Variants in FGD1 observed in about 807,000 individuals in gnomAD.
FGD1 encodes the protein FYVE, RhoGEF and PH domain containing 1.
FGD1 carries 12 observed loss-of-function variants against 65.0 expected under a neutral mutation model. The ratio of observed to expected loss-of-function variants is 0.18; its 90% CI spans 0.12 to 0.30. The LOEUF is 0.30. FGD1 is among the 10% of genes least tolerant of loss of function. The pLI is 1.00. For missense variants in FGD1, 542 were observed against 837.6 expected, an observed-to-expected ratio of 0.65 and a Z score of 4.36; for synonymous variants, 333 against 343.9, an observed-to-expected ratio of 0.97 and a Z score of 0.35.
intron 1 of FGD1, among the ~76,000 whole-genome samples, chrX:54,489,346 C>A (rs1923363376): frequency 1.8e-5 from 2 of 112,190 alleles, no homozygotes; most frequent in Admixed American, 9.4e-5. Flanking sequence ...TTTTGGGAGG[C>A]CGAGGCGGTT....
intron 8 of FGD1, 24 bp from the exon 9 acceptor site, chrX:54,456,591 C>T: frequency 1.7e-6 from 2 of 1,169,835 alleles, no homozygotes; most frequent in Middle Eastern, 4.8e-4. Flanking sequence ...GGGGTGAGGT[C>T]AGATGGGGGA....
At position 54,470,714 on chromosome X, in the gene FGD1, TGGG is replaced by T; in HGVS notation, c.525_527del (p.Pro176del). On this transcript the variant is annotated inframe_deletion, in exon 3 of 18. Coordinates refer to ENST00000375135, the MANE Select transcript of FGD1 (RefSeq NM_004463.3). Reference sequence around the variant, plus strand: ...ATGGTGGAGGGGGGATGGGCTCCAGTGGGGGGGGCATCCGGGGCATCTGCAGGT... The same window carrying T: ...ATGGTGGAGGGGGGATGGGCTCCAGTGGGGGCATCCGGGGCATCTGCAGGT... 3 of 187,724 alleles carry T rather than the reference TGGG, an allele frequency of 1.6e-5. No individual in the cohort carries two copies. Among genetic ancestry groups the T allele is most frequent in the Middle Eastern group, 1.1e-3 (1 of 938 alleles). 15.5% of individuals were successfully genotyped at this position (187,724 alleles called of 1,213,427 possible). A position where few individuals can be genotyped will look rare whatever the true frequency, so the allele number is the denominator to read the frequency against.
At chrX:54,461,325 G>A (rs751027490) in intron 8 of FGD1, among the ~76,000 whole-genome samples, 7 of 109,816 alleles carry the variant, frequency 6.4e-5, no homozygotes, top group Non-Finnish European at 1.1e-4. Flanking sequence ...GTCGTTGGCC[G>A]GGCACGGTGG....
At chrX:54,479,360 C>T (rs2147440410) in intron 1 of FGD1, among the ~76,000 whole-genome samples, 1 of 111,962 alleles carries the variant, frequency 8.9e-6, no homozygotes, top group South Asian at 3.7e-4. Context: ...AATCTCAAGA[C>T]AGCTACTAGG....
chrX:54,480,903 C>T (rs1351698908), intron 1 of FGD1, among the ~76,000 whole-genome samples: 11 of 111,686 alleles, frequency 9.8e-5, no homozygotes, highest in South Asian at 3.8e-4. Flanking sequence ...TCACCCGCCT[C>T]GGCCTCCCAA....
intron 8 of FGD1, among the ~76,000 whole-genome samples, chrX:54,461,492 T>C (rs1172183878): frequency 9.6e-6 from 1 of 103,740 alleles, no homozygotes; most frequent in Non-Finnish European, 2.0e-5. Flanking sequence ...TCCCAGCTAC[T>C]TGGGAGGCTG....
chrX:54,445,835 A>G lies in FGD1; in HGVS notation c.*274T>C, dbSNP rs1365214128. On this transcript the variant is annotated 3_prime_UTR_variant, in exon 18 of 18. Transcript: ENST00000375135. ...TAGGGTATTGAGGGATGAGGGAGAA[A>G]AACGACCTAATTCAGGTAGGACTGG... 3.0e-5 allele frequency: 10 copies of G among 337,693 alleles called. No homozygotes were observed. Among genetic ancestry groups the G allele is most frequent in the South Asian group, 1.2e-4 (2 of 16,641 alleles). The allele number at this position is 337,693 out of a possible 1,213,427, so 27.8% of individuals were successfully genotyped here.
intron 1 of FGD1, among the ~76,000 whole-genome samples, chrX:54,492,914 CAAAAA>C (rs57186509): frequency 1.5e-5 from 1 of 64,786 alleles, no homozygotes. Flanking sequence ...CATCTTGAAT[CAAAAA>C]AAAAAAAAAA....
intron 1 of FGD1, among the ~76,000 whole-genome samples, chrX:54,488,111 A>C (rs1419624030): frequency 8.6e-5 from 9 of 104,112 alleles, no homozygotes; most frequent in Non-Finnish European, 1.4e-4. Context: ...TAAAAATACA[A>C]AAATTAGCTG....
intron 8 of FGD1, among the ~76,000 whole-genome samples, chrX:54,462,157 C>T (rs896752651): frequency 1.8e-5 from 2 of 111,632 alleles, no homozygotes; most frequent in Non-Finnish European, 3.8e-5. Context: ...CTGGAAGGCC[C>T]TTTCTAGAAG....
chrX:54,455,683 G>A lies in FGD1; in HGVS notation c.1935+9C>T, dbSNP rs1302811408. ...CCAAGTTCCCATTTCCCACCTCTTG[G>A]ATGCTTACCTCCATGCCATCTACAT... On this transcript the variant is annotated intron_variant, in intron 11 of 17. Coordinates refer to ENST00000375135, the MANE Select transcript of FGD1 (RefSeq NM_004463.3). 8.4e-7 allele frequency: 1 copy of A among 1,184,473 alleles called. No homozygotes were observed. The highest frequency in any genetic ancestry group is 2.3e-5 in the Admixed American group (1 of 42,758).
intron 8 of FGD1, among the ~76,000 whole-genome samples, chrX:54,464,676 G>A (rs1453863277): frequency 1.8e-5 from 2 of 111,153 alleles, no homozygotes; most frequent in African/African-American, 6.5e-5. Flanking sequence ...TGGGGTTCAG[G>A]TTGATACTGG....
chrX:54,478,822 C>T (rs1452127552), intron 1 of FGD1, among the ~76,000 whole-genome samples: 1 of 110,045 alleles, frequency 9.1e-6, no homozygotes, highest in Non-Finnish European at 1.9e-5. Flanking sequence ...GGGCTGTAGG[C>T]TGCAACCCAA....
chrX:54,465,348 G>A, intron 8 of FGD1, 103 bp downstream of exon 8: 46 of 939,240 alleles, frequency 4.9e-5, no homozygotes, highest in Non-Finnish European at 6.3e-5. Context: ...TGTGGCAATG[G>A]AAGGCCGACC....
chrX:54,449,550 C>A (rs755811110), intron 14 of FGD1, 109 bp downstream of exon 14: 2 of 583,219 alleles, frequency 3.4e-6, no homozygotes, highest in African/African-American at 4.5e-5. Flanking sequence ...TGCATTGCCT[C>A]TCTGGTCATT....
chrX:54,465,649 G>A, intron 7 of FGD1, 47 bp downstream of exon 7: 2 of 1,210,940 alleles, frequency 1.7e-6, no homozygotes, highest in Non-Finnish European at 1.1e-6. Context: ...CCACATCCCT[G>A]CAGACCTCTC....
Position 54,470,722 on chromosome X carries a change from G to GC in FGD1, c.519dup (p.Pro174AlafsTer43). On this transcript the variant is annotated frameshift_variant, in exon 3 of 18. Coordinates refer to ENST00000375135, the MANE Select transcript of FGD1 (RefSeq NM_004463.3). LOFTEE classifies it high-confidence loss of function. Reference sequence around the variant, plus strand: ...GGGGGGATGGGCTCCAGTGGGGGGGGCATCCGGGGCATCTGCAGGTAGCTG... The same window carrying GC: ...GGGGGGATGGGCTCCAGTGGGGGGGGCCATCCGGGGCATCTGCAGGTAGCTG... 2.2e-5 allele frequency: 12 copies of GC among 538,144 alleles called. No homozygotes were observed. Among genetic ancestry groups the GC allele is most frequent in the East Asian group, 1.1e-4 (2 of 18,406 alleles). 44.3% of individuals were successfully genotyped at this position (538,144 alleles called of 1,213,427 possible). A position where few individuals can be genotyped will look rare whatever the true frequency, so the allele number is the denominator to read the frequency against.
At chrX:54,474,328 G>A (rs1447374402) in intron 1 of FGD1, among the ~76,000 whole-genome samples, 1 of 112,313 alleles carries the variant, frequency 8.9e-6, no homozygotes, top group Non-Finnish European at 1.9e-5. Flanking sequence ...GAGTCACAGG[G>A]GATTTTAGGT....
Position 54,470,714 on chromosome X carries a change from T to TGGGGGGGGGGGGGGGGGGCCCCTGG in FGD1, c.527_528insCCAGGGGCCCCCCCCCCCCCCCCCC (p.Leu177GlnfsTer48). 5.3e-6 allele frequency: 1 copy of TGGGGGGGGGGGGGGGGGGCCCCTGG among 187,784 alleles called. No homozygotes were observed. The highest frequency in any genetic ancestry group is 1.3e-4 in the Admixed American group (1 of 7,779). 15.5% of individuals were successfully genotyped at this position (187,784 alleles called of 1,213,427 possible). A position where few individuals can be genotyped will look rare whatever the true frequency, so the allele number is the denominator to read the frequency against. ...ATGGTGGAGGGGGGATGGGCTCCAG[T>TGGGGGGGGGGGGGGGGGGCCCCTGG]GGGGGGGGCATCCGGGGCATCTGCA... On this transcript the variant is annotated frameshift_variant, in exon 3 of 18. Coordinates refer to ENST00000375135, the MANE Select transcript of FGD1 (RefSeq NM_004463.3). LOFTEE classifies it high-confidence loss of function.
Sources: allele counts gnomAD v4.1 joint callset (sites outside exome capture counted in the v4.1 genomes callset), GRCh38; gene constraint gnomAD v4.1.1; transcripts MANE v1.5; gene names NCBI Gene and HGNC (gene_info 2026-07-23, HGNC 2026-07-21).